RYR3: variants seen among roughly 807,000 people sequenced by gnomAD.
RYR3 encodes ryanodine receptor 3.
In RYR3, 207 loss-of-function variants were observed where a neutral mutation model predicts 584.3. That is an observed-to-expected ratio of 0.35 (90% CI 0.32 to 0.40). The LOEUF is 0.40. Among genes scored for constraint, RYR3 ranks in the 10% least tolerant of loss-of-function variants. RYR3 has a pLI of 1.00. For missense variants in RYR3, 5,616 were observed against 6,089.2 expected (o/e 0.92, Z 2.59); for synonymous variants, 2,416 against 2,248.5 (o/e 1.07, Z -2.11).
chr15:33,607,954 G>C (rs1330460228), intron 18 of RYR3, among the ~76,000 whole-genome samples: 1 of 152,166 alleles, frequency 6.6e-6, no homozygotes, highest in Non-Finnish European at 1.5e-5. Context: ...GGTAACTTGA[G>C]TCCACAAAGG....
chr15:33,562,606 G>A (rs1173245098), intron 10 of RYR3, among the ~76,000 whole-genome samples: 11 of 152,040 alleles, frequency 7.2e-5, no homozygotes, highest in Non-Finnish European at 1.3e-4. Flanking sequence ...CTTTTCCCGT[G>A]GATTTAAATA....
chr15:33,669,329 G>A, intron 36 of RYR3, 25 bp from the exon 37 acceptor site: 1 of 1,595,542 alleles, frequency 6.3e-7, no homozygotes, highest in Non-Finnish European at 8.6e-7. Flanking sequence ...GAACCAACTA[G>A]CTATTCTTCT....
intron 1 of RYR3, among the ~76,000 whole-genome samples, chr15:33,348,235 T>C (rs1972725216): frequency 6.6e-6 from 1 of 152,216 alleles, no homozygotes; most frequent in Non-Finnish European, 1.5e-5. Context: ...CATAGATAGC[T>C]GTATCAAAAT....
At chr15:33,861,262 A>G (rs1013402548) in intron 102 of RYR3, 84 bp downstream of exon 102, 7 of 1,023,890 alleles carry the variant, frequency 6.8e-6, no homozygotes, top group Middle Eastern at 2.1e-4. Flanking sequence ...CTCTGCTGGA[A>G]AAAGAGTAAC....
At chr15:33,634,779 G>A (rs1434114089) in intron 25 of RYR3, 46 bp downstream of exon 25, 5 of 1,569,072 alleles carry the variant, frequency 3.2e-6, no homozygotes, top group Admixed American at 3.3e-5. Flanking sequence ...TACTAAACAG[G>A]TCCTCTTCTT....
chr15:33,758,440 A>G (rs1480959908), intron 60 of RYR3, among the ~76,000 whole-genome samples: 1 of 152,052 alleles, frequency 6.6e-6, no homozygotes, highest in African/African-American at 2.4e-5. Context: ...GACCTGGGAC[A>G]CTCGGGCTTG....
intron 2 of RYR3, among the ~76,000 whole-genome samples, chr15:33,502,923 G>C (rs759732894): frequency 5.3e-5 from 8 of 152,180 alleles, no homozygotes; most frequent in Non-Finnish European, 1.0e-4. Flanking sequence ...CCTTAGAACA[G>C]TACCTGGCAT....
chr15:33,813,619 A>G (rs1050564220), intron 74 of RYR3, 40 bp downstream of exon 74: 1 of 1,474,844 alleles, frequency 6.8e-7, no homozygotes, highest in African/African-American at 1.4e-5. Flanking sequence ...TAAGCCAGCG[A>G]TGGGAATGGA....
intron 42 of RYR3, among the ~76,000 whole-genome samples, chr15:33,705,101 T>TCTC (rs1156781766): frequency 6.3e-5 from 9 of 142,104 alleles, no homozygotes; most frequent in Admixed American, 2.1e-4. Flanking sequence ...CACACACTCT[T>TCTC]TCTCTCTCTC....
intron 38 of RYR3, among the ~76,000 whole-genome samples, chr15:33,680,953 A>G (rs542061141): frequency 1.3e-5 from 2 of 152,326 alleles, no homozygotes; most frequent in East Asian, 3.9e-4. Context: ...TAGAAACTGG[A>G]GACTGTGCTG....
intron 1 of RYR3, among the ~76,000 whole-genome samples, chr15:33,362,414 C>G (rs1207348856): frequency 6.7e-6 from 1 of 150,324 alleles, no homozygotes; most frequent in Non-Finnish European, 1.5e-5. Flanking sequence ...TCATCATCAT[C>G]AGCAGCAGCA....
At chr15:33,730,086 A>G (rs1202759801) in intron 47 of RYR3, among the ~76,000 whole-genome samples, 3 of 151,694 alleles carry the variant, frequency 2.0e-5, no homozygotes, top group Non-Finnish European at 4.4e-5. Context: ...AAAACAATGA[A>G]TAATTTTTTA....
intron 1 of RYR3, among the ~76,000 whole-genome samples, chr15:33,404,587 G>T (rs77452814): frequency 0.047 from 6,154 of 130,632 alleles, 183 homozygotes; most frequent in Non-Finnish European, 0.066. Context: ...TTACTACTGT[G>T]TGTTTTTTTT....
chr15:33,496,380 C>T lies in RYR3; in HGVS notation c.172-7251C>T, dbSNP rs554980516. On this transcript the variant is annotated intron_variant, in intron 2 of 103. Transcript: ENST00000634891. ...CAGTGAACACCACCCATATTTATTC[C>T]TGAACGAGGCAGTCTCAGGTAGCAT... 4.6e-5 allele frequency among the ~76,000 whole-genome samples: 7 copies of T among 152,248 alleles called. No individual in the cohort carries two copies. The South Asian group carries it at 1.2e-3, about 27-fold the overall frequency.
At chr15:33,697,730 T>C (rs1596211300) in intron 39 of RYR3, among the ~76,000 whole-genome samples, 152 bp from the exon 40 acceptor site, 1 of 152,236 alleles carries the variant, frequency 6.6e-6, no homozygotes, top group Non-Finnish European at 1.5e-5. Flanking sequence ...CCTCCACATA[T>C]ATTCCAGCTG....
At chr15:33,495,393 C>T (rs537609487) in intron 2 of RYR3, among the ~76,000 whole-genome samples, 2 of 152,044 alleles carry the variant, frequency 1.3e-5, no homozygotes, top group African/African-American at 2.4e-5. Flanking sequence ...TTCATCCCAG[C>T]GGTGTGATTG....
intron 46 of RYR3, among the ~76,000 whole-genome samples, chr15:33,727,485 A>G (rs2068564393): frequency 6.6e-6 from 1 of 152,208 alleles, no homozygotes; most frequent in Non-Finnish European, 1.5e-5. Flanking sequence ...CAGTAAAATG[A>G]TTACATCTCT....
intron 16 of RYR3, among the ~76,000 whole-genome samples, chr15:33,596,499 G>T (rs927084841): frequency 6.8e-6 from 1 of 147,144 alleles, no homozygotes; most frequent in Non-Finnish European, 1.5e-5. Flanking sequence ...TTTTTTTGGG[G>T]GGGGGGGATT....
intron 1 of RYR3, among the ~76,000 whole-genome samples, chr15:33,464,016 C>G (rs1004114801): frequency 9.9e-5 from 15 of 150,850 alleles, no homozygotes; most frequent in African/African-American, 2.7e-4. Flanking sequence ...ACTAATCTTT[C>G]ATTCAGTGAC....
Sources: gnomAD v4.1 joint callset for allele counts (sites outside exome capture counted in the v4.1 genomes callset) on GRCh38, gnomAD v4.1.1 for gene constraint, MANE v1.5 for transcripts, NCBI Gene and HGNC (gene_info 2026-07-23, HGNC 2026-07-21) for gene names.